The following G2E3 variants were observed in gnomAD, a reference collection of about 807,000 sequenced individuals.
The protein encoded by G2E3 is G2/M phase-specific E3 ubiquitin-protein ligase.
In G2E3, 35 loss-of-function variants were observed where a neutral mutation model predicts 92.8. The ratio of observed to expected loss-of-function variants is 0.38; its 90% CI spans 0.29 to 0.50. The LOEUF is 0.50. Ranked by LOEUF, G2E3 falls within the 20% of genes least tolerant of loss-of-function variation. G2E3 has a pLI of 0.94. For missense variants in G2E3, 554 were observed against 823.8 expected (o/e 0.67, Z 4.01); for synonymous variants, 242 against 272.4 (o/e 0.89, Z 1.10).
At chr14:30,577,238 A>AAG (rs1555337867) in intron 1 of G2E3, among the ~76,000 whole-genome samples, 81 of 150,862 alleles carry the variant, frequency 5.4e-4, no homozygotes, top group African/African-American at 1.3e-3. Flanking sequence ...AAAAAAAAAA[A>AAG]AAAAAGAAAA....
At chr14:30,575,461 C>T (rs746350429) in intron 1 of G2E3, among the ~76,000 whole-genome samples, 1 of 152,014 alleles carries the variant, frequency 6.6e-6, no homozygotes, top group Non-Finnish European at 1.5e-5. Context: ...TCTTGAGAAC[C>T]GACACAAGAC....
intron 8 of G2E3, among the ~76,000 whole-genome samples, chr14:30,600,277 C>T (rs1881502374): frequency 6.6e-6 from 1 of 152,176 alleles, no homozygotes; most frequent in South Asian, 2.1e-4. Flanking sequence ...CAGCTCTCCT[C>T]ATTCCTGATT....
chr14:30,595,030 T>A (rs559227209), intron 6 of G2E3, among the ~76,000 whole-genome samples: 12 of 151,584 alleles, frequency 7.9e-5, no homozygotes, highest in Non-Finnish European at 1.8e-4. Context: ...CCCAGCTACT[T>A]AGGAGGCGGA....
rs1881797355 is a variant in G2E3, at chr14:30,605,634, A to G, written c.1140A>G (p.Arg380=). The G allele has an allele frequency of 6.2e-7, 1 of 1,606,958 alleles. No homozygotes were observed. The highest frequency in any genetic ancestry group is 8.5e-7 in the Non-Finnish European group (1 of 1,174,260). The change falls in exon 11 of 15, where the codon AGA becomes AGG. Residue 380 remains arginine, a synonymous_variant. Coordinates refer to ENST00000206595, the MANE Select transcript of G2E3 (RefSeq NM_017769.5). ...NIWNSALDAF[R]NRNFNPSYAI... ...GGAATAGTGCCTTAGATGCATTCAG[A>G]AATCGAAACTTTAATCCTTCATATG...
At chr14:30,601,429 A>C (rs1183817964) in intron 8 of G2E3, among the ~76,000 whole-genome samples, 1 of 152,210 alleles carries the variant, frequency 6.6e-6, no homozygotes, top group Non-Finnish European at 1.5e-5. Context: ...ACACACTGAC[A>C]CAGCAATCTC....
At position 30,619,664 on chromosome 14, in the gene G2E3, A is replaced by G. The variant is rs950380853; in HGVS notation, c.*3130A>G. On this transcript the variant is annotated 3_prime_UTR_variant, in exon 15 of 15. Transcript: ENST00000206595. ...TTTTCAAGTTCTGATTTTGACCATT[A>G]TCTCTTCTAATTCATAAACATATCC... 2 of 152,116 alleles carry G rather than the reference A, an allele frequency of 1.3e-5. No individual in the cohort carries two copies. Among genetic ancestry groups the G allele is most frequent in the Non-Finnish European group, 2.9e-5 (2 of 67,998 alleles). 9.4% of individuals were successfully genotyped at this position (152,116 alleles called of 1,614,324 possible).
chr14:30,600,807 G>C (rs1204428636), intron 8 of G2E3, among the ~76,000 whole-genome samples: 1 of 152,208 alleles, frequency 6.6e-6, no homozygotes, highest in Non-Finnish European at 1.5e-5. Context: ...CTGAGACTTG[G>C]CTAGTGTGAA....
At chr14:30,571,940 A>G (rs1879788380) in intron 1 of G2E3, among the ~76,000 whole-genome samples, 1 of 115,052 alleles carries the variant, frequency 8.7e-6, no homozygotes, top group Non-Finnish European at 1.6e-5. Context: ...GCATGCCAGT[A>G]TCTTAAAAAA....
chr14:30,616,682 T>C lies in G2E3; in HGVS notation c.*148T>C. On this transcript the variant is annotated 3_prime_UTR_variant, in exon 15 of 15. Coordinates refer to ENST00000206595, the MANE Select transcript of G2E3 (RefSeq NM_017769.5). ...ATGATATGAATATAAAGGAATATTATAGCCACTTAGGCTAAAAAAAGGTTT... is the reference window on the plus strand; with the variant it reads ...ATGATATGAATATAAAGGAATATTACAGCCACTTAGGCTAAAAAAAGGTTT... 2 of 596,500 alleles carry C rather than the reference T, an allele frequency of 3.4e-6. No homozygotes were observed. The highest frequency in any genetic ancestry group is 2.5e-5 in the South Asian group (1 of 39,326). 37.0% of individuals were successfully genotyped at this position (596,500 alleles called of 1,614,324 possible).
intron 9 of G2E3, 33 bp downstream of exon 9, chr14:30,601,927 A>G (rs1881586748): frequency 6.2e-7 from 1 of 1,604,812 alleles, no homozygotes; most frequent in Non-Finnish European, 8.5e-7. Context: ...TAAAGTTTTT[A>G]TTCAAATGTA....
At position 30,618,759 on chromosome 14, in the gene G2E3, A is replaced by T. The variant is rs1882431836; in HGVS notation, c.*2225A>T. 6.6e-6 allele frequency: 1 copy of T among 152,124 alleles called. No homozygotes were observed. The highest frequency in any genetic ancestry group is 2.1e-4 in the South Asian group (1 of 4,834). 9.4% of individuals were successfully genotyped at this position (152,124 alleles called of 1,614,324 possible). On this transcript the variant is annotated 3_prime_UTR_variant, in exon 15 of 15. Coordinates refer to ENST00000206595, the MANE Select transcript of G2E3 (RefSeq NM_017769.5). ...TCTGTATGGTCAAGGAATATCAGAG[A>T]AACCTGTAGGTTATTTATTTTCTGC...
chr14:30,563,372 A>G (rs900395860), intron 1 of G2E3, among the ~76,000 whole-genome samples: 4 of 152,154 alleles, frequency 2.6e-5, no homozygotes, highest in African/African-American at 7.2e-5. Context: ...TCTAAGGGAC[A>G]TAAAGCCCCA....
chr14:30,578,635 A>T (rs2138810879), intron 1 of G2E3, among the ~76,000 whole-genome samples: 1 of 152,328 alleles, frequency 6.6e-6, no homozygotes, highest in African/African-American at 2.4e-5. Flanking sequence ...TTGTCGAATG[A>T]CTAAAACATC....
chr14:30,598,511 G>A lies in G2E3; in HGVS notation c.664G>A (p.Ala222Thr), dbSNP rs759202014. Residue 222 changes from alanine (A) to threonine (T), a missense_variant, in exon 8 of 15, where the codon GCT becomes ACT. By Grantham distance (58) the Ala-to-Thr change is moderately conservative (BLOSUM62 0). Around this residue, in one of 3 missense-constraint regions of G2E3, gnomAD observed 397 missense variants for 560.3 expected, o/e 0.71. Coordinates refer to ENST00000206595, the MANE Select transcript of G2E3 (RefSeq NM_017769.5). The part of the protein sequence containing the change: ...KDASWELEEN[A>T]YQELLQHYER... ...TGCTTCCTGGGAATTAGAGGAAAAC[G>A]CTTATCAAGAGCTTCTGCAGCACTA... is the stretch of plus-strand genomic sequence containing the variant. 1.9e-6 allele frequency: 3 copies of A among 1,612,412 alleles called. No homozygotes were observed. The highest frequency in any genetic ancestry group is 2.5e-6 in the Non-Finnish European group (3 of 1,178,548).
chr14:30,618,442 T>C lies in G2E3; in HGVS notation c.*1908T>C, dbSNP rs1415378577. 6.6e-6 allele frequency: 1 copy of C among 152,090 alleles called. No homozygotes were observed. Among genetic ancestry groups the C allele is most frequent in the Non-Finnish European group, 1.5e-5 (1 of 67,968 alleles). The allele number at this position is 152,090 out of a possible 1,614,324, so 9.4% of individuals were successfully genotyped here. On this transcript the variant is annotated 3_prime_UTR_variant, in exon 15 of 15. Coordinates refer to ENST00000206595, the MANE Select transcript of G2E3 (RefSeq NM_017769.5). ...AACCTAGTTAAAGCTATTTTCTGGT[T>C]TTTAGTTGCAATTAATTTCCCCTAG...
intron 1 of G2E3, chr14:30,560,956 A>G (rs911990529): frequency 9.8e-6 from 6 of 609,662 alleles, no homozygotes; most frequent in Non-Finnish European, 1.8e-5. Context: ...TTTGAAGCCC[A>G]TCTCCACCAC....
chr14:30,582,827 G>A (rs572200530), intron 2 of G2E3, among the ~76,000 whole-genome samples: 1 of 152,294 alleles, frequency 6.6e-6, no homozygotes, highest in African/African-American at 2.4e-5. Context: ...GAGTGAGGGA[G>A]GGCAGAGTAG....
Position 30,580,398 on chromosome 14 carries a change from G to T in G2E3, c.-4-678G>T, listed in dbSNP as rs868245253. Among the ~76,000 whole-genome samples the T allele has an allele frequency of 6.6e-5, 10 of 152,116 alleles. No homozygotes were observed. In the South Asian group the frequency reaches 2.1e-3, roughly 32 times the overall value. ...ACTTTGTATTTTTGGTAGAAACAGG[G>T]TTTCACCATGTTAGCCAGGCTGGTC... On this transcript the variant is annotated intron_variant, in intron 1 of 14. Coordinates refer to ENST00000206595, the MANE Select transcript of G2E3 (RefSeq NM_017769.5).
chr14:30,608,933 G>A (rs1444147280), intron 12 of G2E3, among the ~76,000 whole-genome samples: 1 of 152,140 alleles, frequency 6.6e-6, no homozygotes, highest in Non-Finnish European at 1.5e-5. Context: ...AGTGAGCTGA[G>A]CTCACACCAC....
Sources: gnomAD v4.1 joint callset for allele counts (sites outside exome capture counted in the v4.1 genomes callset) on GRCh38, gnomAD v4.1.1 for gene constraint, gnomAD v4.1.1 regional missense constraint, MANE v1.5 for transcripts, NCBI Gene and HGNC (gene_info 2026-07-23, HGNC 2026-07-21) for gene names.